Variants in INO80E observed in about 807,000 individuals in gnomAD.
INO80E encodes coiled-coil domain containing 95.
INO80E carries 20 observed loss-of-function variants against 27.3 expected under a neutral mutation model. The observed-to-expected ratio is 0.73, with a 90% CI of 0.51 to 1.06. INO80E has a LOEUF of 1.06. Among genes scored for constraint, INO80E ranks in the 50% least tolerant of loss-of-function variants. The probability of loss-of-function intolerance (pLI) is 0.00; values close to 1 mark genes in which losing one functional copy is unlikely to be tolerated. For missense variants in INO80E, 357 were observed against 322.8 expected (o/e 1.11, Z -0.81); for synonymous variants, 167 against 145.9 (o/e 1.14, Z -1.04).
At chr16:30,005,074 G>T (rs1281018943) in intron 6 of INO80E, 147 bp from the exon 7 acceptor site, 4 of 833,014 alleles carry the variant, frequency 4.8e-6, no homozygotes, top group Non-Finnish European at 7.0e-6. Flanking sequence ...GCTGAGGGGG[G>T]CAGGCCCTGA....
chr16:30,004,545 A>ACGCGCTCAGGTCTGTGTTTTAGAGCG lies in INO80E; in HGVS notation c.514-668_514-643dup, dbSNP rs1596685062. On this transcript the variant is annotated intron_variant, in intron 6 of 6. Coordinates refer to ENST00000563197, the MANE Select transcript of INO80E (RefSeq NM_173618.3). ...CCCCGAGGCCCCGAGTGGCACGGTG[A>ACGCGCTCAGGTCTGTGTTTTAGAGCG]CGCGCTCAGGTCTGTGTTTTAGAGC... 2.0e-5 allele frequency: 3 copies of ACGCGCTCAGGTCTGTGTTTTAGAGCG among 153,638 alleles called. No homozygotes were observed. In the East Asian group the frequency reaches 5.8e-4, roughly 30 times the overall value. The allele number at this position is 153,638 out of a possible 1,614,324, so 9.5% of individuals were successfully genotyped here.
At position 30,003,160 on chromosome 16, in the gene INO80E, G is replaced by C. The variant is rs1185461244; in HGVS notation, c.513+1630G>C. The C allele has an allele frequency of 6.6e-6, 1 of 152,402 alleles. No individual in the cohort carries two copies. Among genetic ancestry groups the C allele is most frequent in the Non-Finnish European group, 1.5e-5 (1 of 68,248 alleles). 9.4% of individuals were successfully genotyped at this position (152,402 alleles called of 1,614,324 possible). On this transcript the variant is annotated intron_variant, in intron 6 of 6. Coordinates refer to ENST00000563197, the MANE Select transcript of INO80E (RefSeq NM_173618.3). This position sits in a 1 kb window ranked among gnomAD's most constrained non-coding sequence, Gnocchi z 4.4. Reference sequence around the variant, plus strand: ...CGGGAGCAAAGTTGTAGACATTCTGGAGAGAAGGTTTGAGAGGGTGGCCCA... The same window carrying C: ...CGGGAGCAAAGTTGTAGACATTCTGCAGAGAAGGTTTGAGAGGGTGGCCCA...
intron 3 of INO80E, among the ~76,000 whole-genome samples, chr16:29,998,110 T>C (rs558404644): frequency 2.0e-5 from 3 of 151,932 alleles, no homozygotes; most frequent in Non-Finnish European, 2.9e-5. Flanking sequence ...GCTAACACAG[T>C]GAAACCCTGT....
In INO80E at chr16:29,996,812, C is replaced by G. The variant is rs1461405967; in HGVS notation, c.157C>G (p.Leu53Val). ...TGTCTCCTTCCCTCCCCTCAGTTTC[C>G]TCCTAGACCGACTTCTGCAGTACGA... The part of the protein sequence containing the change: ...LLKVSRDKSF[L>V]LDRLLQYENV... The change falls in exon 3 of 7, where the codon CTC becomes GTC. Residue 53 changes from leucine (L) to valine (V), a missense_variant. By Grantham distance (32) the Leu-to-Val change is conservative. Coordinates refer to ENST00000563197, the MANE Select transcript of INO80E (RefSeq NM_173618.3). The G allele has an allele frequency of 1.2e-6, 2 of 1,614,152 alleles. No individual in the cohort carries two copies. Among genetic ancestry groups the G allele is most frequent in the East Asian group, 2.2e-5 (1 of 44,884 alleles).
chr16:30,004,987 C>T (rs2070504424), intron 6 of INO80E, among the ~76,000 whole-genome samples: 1 of 152,144 alleles, frequency 6.6e-6, no homozygotes, highest in African/African-American at 2.4e-5. Flanking sequence ...CTCCCGGTTT[C>T]CTGTGAGACA....
At chr16:29,996,518 G>T (rs928007874) in intron 1 of INO80E, 29 bp from the exon 2 acceptor site, 8 of 1,555,648 alleles carry the variant, frequency 5.1e-6, no homozygotes, top group Non-Finnish European at 6.1e-6. Flanking sequence ...AGGACCGTTG[G>T]CCCAGCGCAC....
At chr16:30,001,748 TG>T in intron 6 of INO80E, 1 of 515,046 alleles carries the variant, frequency 1.9e-6, no homozygotes, top group Non-Finnish European at 3.5e-6. Flanking sequence ...GGTGTGCAGA[TG>T]CCAGGGATCC....
chr16:29,996,977 T>A, intron 3 of INO80E, 117 bp downstream of exon 3: 1 of 947,640 alleles, frequency 1.1e-6, no homozygotes, highest in Non-Finnish European at 1.7e-6. Context: ...TCCTTAAGCC[T>A]AGTTGCTTGC....
chr16:30,000,596 C>G (rs1291263270), intron 3 of INO80E, among the ~76,000 whole-genome samples, 162 bp from the exon 4 acceptor site: 2 of 152,196 alleles, frequency 1.3e-5, no homozygotes, highest in Non-Finnish European at 2.9e-5. Flanking sequence ...AACTCCTGGC[C>G]TCAAGCGATC....
Position 30,000,851 on chromosome 16 carries a change from C to T in INO80E, c.284+15C>T. The T allele has an allele frequency of 6.2e-7, 1 of 1,612,294 alleles. No homozygotes were observed. The highest frequency in any genetic ancestry group is 8.5e-7 in the Non-Finnish European group (1 of 1,178,280). ...GCCCCTAAGAGGTGAGAAGAAGATG[C>T]ATTCCTCTCGCTGGGGAGGGTCAGG... On this transcript the variant is annotated intron_variant, in intron 4 of 6. Coordinates refer to ENST00000563197, the MANE Select transcript of INO80E (RefSeq NM_173618.3).
At position 30,000,958 on chromosome 16, in the gene INO80E, C is replaced by T; in HGVS notation, c.314C>T (p.Pro105Leu). The T allele has an allele frequency of 6.3e-7, 1 of 1,580,220 alleles. No homozygotes were observed. The highest frequency in any genetic ancestry group is 8.6e-7 in the Non-Finnish European group (1 of 1,159,742). ...RKRSPPLGGA[P>L]SPSSLSLPPS... is the part of the protein sequence containing the mutation. ...AGAAGCCCTCCGCTGGGGGGCGCCC[C>T]CTCTCCCTCCAGCCTCTCCCTGCCT... The change falls in exon 5 of 7, where the codon CCC becomes CTC. Residue 105 changes from proline to leucine, a missense_variant. Pro to Leu is a moderately conservative substitution (Grantham distance 98). Transcript: ENST00000563197.
intron 3 of INO80E, among the ~76,000 whole-genome samples, chr16:30,000,379 T>A (rs893316618): frequency 4.6e-5 from 7 of 152,232 alleles, no homozygotes; most frequent in Admixed American, 4.6e-4. Context: ...TTGGTTTGTT[T>A]CATTTTTTTG....
At chr16:29,996,737 G>T in intron 2 of INO80E, 71 bp from the exon 3 acceptor site, 1 of 1,596,588 alleles carries the variant, frequency 6.3e-7, no homozygotes, top group South Asian at 1.1e-5. Context: ...GGCCAGCTGG[G>T]AGGGACAGGT....
intron 3 of INO80E, among the ~76,000 whole-genome samples, chr16:29,997,867 A>C (rs1398911419): frequency 1.3e-5 from 2 of 151,932 alleles, no homozygotes; most frequent in Non-Finnish European, 2.9e-5. Flanking sequence ...TTGAGTTGGG[A>C]CCAGAGAAGA....
intron 6 of INO80E, 77 bp downstream of exon 6, chr16:30,001,607 C>T: frequency 1.5e-6 from 2 of 1,370,958 alleles, no homozygotes. Context: ...AAGGCGGGGG[C>T]CTGTCAGAGA....
Position 30,001,228 on chromosome 16 carries a change from G to C in INO80E, c.397-186G>C, listed in dbSNP as rs1251621099. 4 of 1,491,214 alleles carry C rather than the reference G, an allele frequency of 2.7e-6. No individual in the cohort carries two copies. In the African/African-American group the frequency reaches 5.6e-5, roughly 21 times the overall value. 92.4% of individuals were successfully genotyped at this position (1,491,214 alleles called of 1,614,324 possible). On this transcript the variant is annotated intron_variant, in intron 5 of 6. Transcript: ENST00000563197. ...CTGGTATAGGAACGGGGCCAGGCCT[G>C]ACTGAGGAGAGCAAAGCCCAGGACA... is the stretch of plus-strand genomic sequence containing the variant.
intron 6 of INO80E, chr16:30,004,535 T>G (rs1019275301): frequency 6.5e-6 from 1 of 153,230 alleles, no homozygotes; most frequent in East Asian, 1.9e-4. Context: ...AGGCCCCGAG[T>G]GGCACGGTGA....
chr16:30,001,075 G>A (rs757214597), intron 5 of INO80E, 35 bp downstream of exon 5: 11 of 1,515,656 alleles, frequency 7.3e-6, no homozygotes. Flanking sequence ...GTGCTTGGGA[G>A]TAAGGTGGGC....
In INO80E at chr16:30,003,879, T is replaced by G. The variant is rs2150942189; in HGVS notation, c.514-1342T>G. ...ATACACGCATGTCTGCTTGTGTGTG[T>G]ACATGTGGGGGCCTGGTGCAGGGCG... is the stretch of plus-strand genomic sequence containing the variant. On this transcript the variant is annotated intron_variant, in intron 6 of 6. Transcript: ENST00000563197. The surrounding 1 kb of genome is among the most constrained non-coding windows in gnomAD (Gnocchi z 4.4). The G allele has an allele frequency of 6.5e-6, 1 of 152,704 alleles. No individual in the cohort carries two copies. Among genetic ancestry groups the G allele is most frequent in the African/African-American group, 2.4e-5 (1 of 41,542 alleles). 9.5% of individuals were successfully genotyped at this position (152,704 alleles called of 1,614,324 possible).
Sources: gnomAD v4.1 joint callset for allele counts (sites outside exome capture counted in the v4.1 genomes callset) on GRCh38, gnomAD v4.1.1 for gene constraint, Gnocchi (gnomAD v3.1) non-coding constraint, MANE v1.5 for transcripts, NCBI Gene and HGNC (gene_info 2026-07-23, HGNC 2026-07-21) for gene names.